B3GALT1: variants seen among roughly 807,000 people sequenced by gnomAD.
B3GALT1 encodes beta-1,3-galactosyltransferase 1.
In B3GALT1, 10 loss-of-function variants were observed where a neutral mutation model predicts 23.2. The observed-to-expected ratio is 0.43, with a 90% CI of 0.27 to 0.73. The LOEUF (loss-of-function observed/expected upper bound fraction) is 0.73. Ranked by LOEUF, B3GALT1 falls within the 30% of genes least tolerant of loss-of-function variation. The pLI, the probability that B3GALT1 is intolerant of heterozygous loss-of-function variation, is 0.21. For missense variants in B3GALT1, 299 were observed against 405.4 expected, an observed-to-expected ratio of 0.74 and a Z score of 2.25; for synonymous variants, 156 against 141.5, an observed-to-expected ratio of 1.10 and a Z score of -0.73.
At chr2:167,678,324 G>A (rs1259092857) in intron 3 of B3GALT1, among the ~76,000 whole-genome samples, 1 of 152,040 alleles carries the variant, frequency 6.6e-6, no homozygotes, top group Non-Finnish European at 1.5e-5. Context: ...AATCCTATGA[G>A]ATAAGTACTG....
At chr2:167,694,538 ATAAT>A (rs1372265209) in intron 3 of B3GALT1, among the ~76,000 whole-genome samples, 2 of 152,182 alleles carry the variant, frequency 1.3e-5, no homozygotes, top group African/African-American at 2.4e-5. Flanking sequence ...CTAGCAAAGA[ATAAT>A]TATTCAATAA....
intron 3 of B3GALT1, among the ~76,000 whole-genome samples, chr2:167,654,842 G>A (rs1685930666): frequency 6.8e-6 from 1 of 146,752 alleles, no homozygotes; most frequent in Admixed American, 6.8e-5. Context: ...TCTAATTCTT[G>A]ACTCTCAGAT....
At chr2:167,567,652 C>T (rs141887213) in intron 2 of B3GALT1, among the ~76,000 whole-genome samples, 92 of 152,176 alleles carry the variant, frequency 6.0e-4, no homozygotes, top group African/African-American at 2.1e-3. Context: ...CTTCCATCCC[C>T]CATACATGCC....
At chr2:167,298,543 G>T (rs1361916662) in intron 1 of B3GALT1, among the ~76,000 whole-genome samples, 1 of 151,848 alleles carries the variant, frequency 6.6e-6, no homozygotes, top group Non-Finnish European at 1.5e-5. Flanking sequence ...TAAAATATTT[G>T]TATTTACTTC....
intron 1 of B3GALT1, among the ~76,000 whole-genome samples, chr2:167,462,417 T>A (rs1699272656): frequency 6.6e-6 from 1 of 152,120 alleles, no homozygotes; most frequent in African/African-American, 2.4e-5. Context: ...TGAGAGAAAA[T>A]GGCAAATGTA....
intron 4 of B3GALT1, among the ~76,000 whole-genome samples, chr2:167,864,660 A>G (rs982990844): frequency 4.6e-5 from 7 of 152,208 alleles, no homozygotes; most frequent in Non-Finnish European, 7.3e-5. Flanking sequence ...GATATTGCCT[A>G]TGTCTCAACA....
At chr2:167,760,311 C>T (rs1238161995) in intron 3 of B3GALT1, among the ~76,000 whole-genome samples, 2 of 152,146 alleles carry the variant, frequency 1.3e-5, no homozygotes, top group African/African-American at 2.4e-5. Context: ...GAGTAGAGGT[C>T]ACAACTTATA....
At chr2:167,685,805 T>A (rs1405379788) in intron 3 of B3GALT1, among the ~76,000 whole-genome samples, 2 of 152,210 alleles carry the variant, frequency 1.3e-5, no homozygotes, top group Non-Finnish European at 2.9e-5. Flanking sequence ...TGCTCTTTTA[T>A]CTACTTTTTT....
chr2:167,339,398 T>G (rs1160398310), intron 1 of B3GALT1, among the ~76,000 whole-genome samples: 1 of 146,896 alleles, frequency 6.8e-6, no homozygotes, highest in East Asian at 2.0e-4. Flanking sequence ...GTGTGGAGAG[T>G]GTGGGGGTGA....
chr2:167,862,358 C>G (rs1690118271), intron 4 of B3GALT1, among the ~76,000 whole-genome samples: 1 of 152,180 alleles, frequency 6.6e-6, no homozygotes. Context: ...GCACTGGTGT[C>G]TGAGCTCAGG....
chr2:167,345,188 C>G (rs1194986307), intron 1 of B3GALT1, among the ~76,000 whole-genome samples: 1 of 151,828 alleles, frequency 6.6e-6, no homozygotes, highest in East Asian at 1.9e-4. Flanking sequence ...AAGCATCTCT[C>G]AGAAGGATTT....
intron 3 of B3GALT1, among the ~76,000 whole-genome samples, chr2:167,767,863 A>C (rs543496828): frequency 3.9e-5 from 6 of 152,182 alleles, no homozygotes; most frequent in Non-Finnish European, 7.3e-5. Flanking sequence ...ATAGAGGCTG[A>C]GAAGTCCCAT....
At chr2:167,632,539 T>C (rs1391767999) in intron 2 of B3GALT1, among the ~76,000 whole-genome samples, 1 of 152,126 alleles carries the variant, frequency 6.6e-6, no homozygotes, top group African/African-American at 2.4e-5. Flanking sequence ...ATTTCCCTAA[T>C]GACCAGTGAG....
intron 1 of B3GALT1, among the ~76,000 whole-genome samples, chr2:167,415,601 C>T (rs1015948673): frequency 7.9e-5 from 12 of 152,054 alleles, no homozygotes; most frequent in Non-Finnish European, 1.6e-4. Context: ...CTAGAAAACA[C>T]TTATATTGAG....
chr2:167,782,799 T>A (rs565603998), intron 3 of B3GALT1, among the ~76,000 whole-genome samples: 1 of 152,308 alleles, frequency 6.6e-6, no homozygotes, highest in African/African-American at 2.4e-5. Context: ...TTCCTAAATA[T>A]GTACAGTTAT....
chr2:167,757,629 C>T (rs898811342), intron 3 of B3GALT1, among the ~76,000 whole-genome samples: 1 of 152,102 alleles, frequency 6.6e-6, no homozygotes, highest in African/African-American at 2.4e-5. Context: ...TCATTGTAAT[C>T]TTAGGACAGG....
chr2:167,549,490 A>G (rs1248597236), intron 2 of B3GALT1, among the ~76,000 whole-genome samples: 1 of 152,174 alleles, frequency 6.6e-6, no homozygotes, highest in Non-Finnish European at 1.5e-5. Flanking sequence ...TAAAGTCATT[A>G]ATACGGCATT....
chr2:167,637,589 A>G (rs565001755), intron 2 of B3GALT1, among the ~76,000 whole-genome samples: 2 of 152,140 alleles, frequency 1.3e-5, no homozygotes, highest in South Asian at 4.1e-4. Context: ...GCTATTGAAC[A>G]TTAGAATGTA....
intron 1 of B3GALT1, among the ~76,000 whole-genome samples, chr2:167,295,550 AT>A (rs1266296159): frequency 2.0e-5 from 3 of 152,256 alleles, no homozygotes; most frequent in African/African-American, 7.2e-5. Context: ...TTAATTAACA[AT>A]TTTAAAATAA....
Sources: gnomAD v4.1 joint callset for allele counts (sites outside exome capture counted in the v4.1 genomes callset) on GRCh38, gnomAD v4.1.1 for gene constraint, MANE v1.5 for transcripts, NCBI Gene and HGNC (gene_info 2026-07-23, HGNC 2026-07-21) for gene names.